COL22A1: variants seen among roughly 807,000 people sequenced by gnomAD.
COL22A1 encodes the protein collagen type XXII alpha 1 chain.
A neutral mutation model predicts 248.9 loss-of-function variants in COL22A1; 221 were observed. The ratio of observed to expected loss-of-function variants is 0.89; its 90% CI spans 0.80 to 0.99. COL22A1 has a LOEUF of 0.99. COL22A1 is among the 50% of genes least tolerant of loss of function. COL22A1 has a pLI of 0.00. For synonymous variants in COL22A1, 891 were observed against 793.4 expected (o/e 1.12, Z -2.07); for missense variants, 2,240 against 2,179.0 (o/e 1.03, Z -0.56).
intron 4 of COL22A1, among the ~76,000 whole-genome samples, chr8:138,840,289 T>C (rs1027329463): frequency 1.3e-5 from 2 of 152,128 alleles, no homozygotes; most frequent in Non-Finnish European, 2.9e-5. Context: ...AGGTTCTCTG[T>C]GCATTCAGAA....
chr8:138,729,201 T>G (rs559178867), intron 23 of COL22A1, among the ~76,000 whole-genome samples: 1 of 152,246 alleles, frequency 6.6e-6, no homozygotes, highest in Admixed American at 6.5e-5. Flanking sequence ...CCCTGATCCC[T>G]TCTCTCCTCC....
In COL22A1 at chr8:138,606,395, G is replaced by A; in HGVS notation, c.4090C>T (p.Pro1364Ser). Residue 1364 changes from proline (P) to serine (S), a missense_variant, in exon 58 of 65, where the codon CCC becomes TCC. Physicochemically the swap from Pro to Ser is moderately conservative, Grantham distance 74. Transcript: ENST00000303045. ...GSPGLPGFLG[P>S]RGPPGEPGEK... The stretch of plus-strand genomic sequence containing the variant: ...TCTCTGCTTACCGGAGGCCCACGGG[G>A]ACCCAGGAAGCCAGGAAGTCCTGGG... 6.2e-7 allele frequency: 1 copy of A among 1,613,140 alleles called. No homozygotes were observed. Among genetic ancestry groups the A allele is most frequent in the Non-Finnish European group, 8.5e-7 (1 of 1,179,724 alleles).
intron 24 of COL22A1, among the ~76,000 whole-genome samples, chr8:138,724,872 C>A (rs1003034333): frequency 6.6e-6 from 1 of 152,208 alleles, no homozygotes; most frequent in South Asian, 2.1e-4. Flanking sequence ...GGCCTGCAGT[C>A]GGGGCGTCCT....
chr8:138,839,347 A>C (rs1327844120), intron 4 of COL22A1, among the ~76,000 whole-genome samples: 2 of 152,156 alleles, frequency 1.3e-5, no homozygotes, highest in Non-Finnish European at 2.9e-5. Flanking sequence ...GGTGCCGGTC[A>C]GGCTGGGCTT....
chr8:138,791,185 G>A (rs1390078627), intron 12 of COL22A1, among the ~76,000 whole-genome samples: 1 of 152,208 alleles, frequency 6.6e-6, no homozygotes, highest in Non-Finnish European at 1.5e-5. Context: ...TTGATGCTGG[G>A]CACCTTGATG....
At chr8:138,815,952 C>T (rs1818650673) in intron 7 of COL22A1, among the ~76,000 whole-genome samples, 1 of 152,206 alleles carries the variant, frequency 6.6e-6, no homozygotes, top group South Asian at 2.1e-4. Flanking sequence ...TGTAGCCCCT[C>T]ACCCCACTGA....
chr8:138,853,736 G>A (rs1181646995), intron 3 of COL22A1, among the ~76,000 whole-genome samples: 3 of 152,160 alleles, frequency 2.0e-5, no homozygotes, highest in Admixed American at 6.5e-5. Context: ...GTCAGTTACC[G>A]AATCCCTAGA....
intron 7 of COL22A1, among the ~76,000 whole-genome samples, chr8:138,818,949 G>A (rs189470295): frequency 2.5e-4 from 38 of 152,222 alleles, no homozygotes; most frequent in Admixed American, 1.7e-3. Flanking sequence ...AGTGTGTGAC[G>A]TGGGCGATGG....
At chr8:138,725,500 G>A (rs1228019770) in intron 23 of COL22A1, 60 bp from the exon 24 acceptor site, 1 of 1,427,462 alleles carries the variant, frequency 7.0e-7, no homozygotes, top group Non-Finnish European at 9.6e-7. Flanking sequence ...CCTAGGGACA[G>A]TGGGCATTTG....
intron 44 of COL22A1, 22 bp from the exon 45 acceptor site, chr8:138,655,966 A>C: frequency 6.3e-7 from 1 of 1,591,292 alleles, no homozygotes; most frequent in Non-Finnish European, 8.6e-7. Context: ...AAAAGAAACA[A>C]ACACATACGT....
intron 1 of COL22A1, 24 bp from the exon 2 acceptor site, chr8:138,883,268 G>T: frequency 8.0e-7 from 1 of 1,255,698 alleles, no homozygotes; most frequent in Non-Finnish European, 1.1e-6. Flanking sequence ...GACACCCTTA[G>T]AGAAGGCTCT....
chr8:138,722,173 GT>G, intron 25 of COL22A1, 84 bp from the exon 26 acceptor site: 3 of 1,226,160 alleles, frequency 2.4e-6, no homozygotes, highest in Non-Finnish European at 3.4e-6. Context: ...ACCAGGAGCT[GT>G]TTTTGCAGCC....
intron 22 of COL22A1, among the ~76,000 whole-genome samples, chr8:138,745,549 C>T (rs1462089449): frequency 6.6e-6 from 1 of 152,112 alleles, no homozygotes; most frequent in Non-Finnish European, 1.5e-5. Flanking sequence ...GGACTCTTCT[C>T]ATTACTGTGG....
At chr8:138,641,524 G>T (rs1460049290) in intron 47 of COL22A1, among the ~76,000 whole-genome samples, 1 of 152,126 alleles carries the variant, frequency 6.6e-6, no homozygotes, top group African/African-American at 2.4e-5. Context: ...CCTTTACACG[G>T]ATCATAACCA....
intron 1 of COL22A1, among the ~76,000 whole-genome samples, chr8:138,888,221 ACAG>A (rs1824809171): frequency 6.6e-6 from 1 of 152,196 alleles, no homozygotes; most frequent in Non-Finnish European, 1.5e-5. Flanking sequence ...ACCCTGTGAC[ACAG>A]GTAAGACACA....
intron 47 of COL22A1, among the ~76,000 whole-genome samples, chr8:138,646,253 C>A (rs774940470): frequency 6.6e-6 from 1 of 152,176 alleles, no homozygotes; most frequent in Non-Finnish European, 1.5e-5. Flanking sequence ...AGTGCCACAT[C>A]CTTTTTATGT....
chr8:138,725,666 C>T (rs112309519), intron 23 of COL22A1, among the ~76,000 whole-genome samples: 9 of 152,174 alleles, frequency 5.9e-5, no homozygotes, highest in African/African-American at 2.2e-4. Context: ...GATGGGCATG[C>T]CATCGCCTGT....
chr8:138,655,821 C>G, intron 45 of COL22A1, 76 bp downstream of exon 45: 1 of 1,267,736 alleles, frequency 7.9e-7, no homozygotes, highest in Non-Finnish European at 1.1e-6. Context: ...CAAAAAAAAC[C>G]CCAACTTATT....
chr8:138,892,088 G>A (rs1276912934), intron 1 of COL22A1, among the ~76,000 whole-genome samples: 1 of 152,168 alleles, frequency 6.6e-6, no homozygotes, highest in Non-Finnish European at 1.5e-5. Flanking sequence ...AGAGTTACTG[G>A]TCTGTGGTTT....
Sources: gnomAD v4.1 joint callset for allele counts (sites outside exome capture counted in the v4.1 genomes callset) on GRCh38, gnomAD v4.1.1 for gene constraint, MANE v1.5 for transcripts, NCBI Gene and HGNC (gene_info 2026-07-23, HGNC 2026-07-21) for gene names.